The following GRID1 variants were observed in gnomAD, a reference collection of about 807,000 sequenced individuals.
GRID1 encodes the protein glutamate ionotropic receptor delta type subunit 1, also known as glutamate receptor ionotropic, delta-1.
GRID1 carries 28 observed loss-of-function variants against 98.0 expected under a neutral mutation model. The ratio of observed to expected loss-of-function variants is 0.29; its 90% CI spans 0.21 to 0.39. The LOEUF (loss-of-function observed/expected upper bound fraction) is 0.39. Ranked by LOEUF, GRID1 falls within the 10% of genes least tolerant of loss-of-function variation. GRID1 has a pLI of 1.00. For missense variants in GRID1, 1,111 were observed against 1,340.5 expected (o/e 0.83, Z 2.67); for synonymous variants, 553 against 538.5 (o/e 1.03, Z -0.37).
At chr10:86,304,960 T>C (rs954206372) in intron 2 of GRID1, among the ~76,000 whole-genome samples, 4 of 152,158 alleles carry the variant, frequency 2.6e-5, no homozygotes, top group African/African-American at 9.7e-5. Context: ...TTTTCTAGGC[T>C]ATGGGGGCCA....
intron 4 of GRID1, among the ~76,000 whole-genome samples, chr10:86,137,410 C>T (rs1844943292): frequency 6.6e-6 from 1 of 152,174 alleles, no homozygotes. Flanking sequence ...ATAGTCTTTC[C>T]ACCCCCAAGC....
intron 12 of GRID1, among the ~76,000 whole-genome samples, chr10:85,682,401 T>C (rs930416512): frequency 5.9e-5 from 9 of 152,322 alleles, no homozygotes; most frequent in African/African-American, 1.9e-4. Flanking sequence ...GACCTGGTCA[T>C]AGACCATATG....
In GRID1 at chr10:85,732,272, C is replaced by G. The variant is rs564256478; in HGVS notation, c.1234-2658G>C. On this transcript the variant is annotated intron_variant, in intron 8 of 15. Transcript: ENST00000327946. ...GGTCTTCTTGACCATCCCAATGGCT[C>G]ACAGAGTCATAACAGAAGACATCTT... 8.3e-4 allele frequency among the ~76,000 whole-genome samples: 127 copies of G among 152,296 alleles called. 1 individual carries two copies. Among genetic ancestry groups the G allele is most frequent in the African/African-American group, 3.0e-3 (125 of 41,568 alleles).
At chr10:85,683,140 T>C (rs73326691) in intron 12 of GRID1, among the ~76,000 whole-genome samples, 4,603 of 152,276 alleles carry the variant, frequency 0.03, 204 homozygotes, top group African/African-American at 0.1. Flanking sequence ...TCTCTGTCTG[T>C]CTGAAACTTA....
At chr10:86,151,465 G>C (rs1429852621) in intron 3 of GRID1, among the ~76,000 whole-genome samples, 1 of 151,934 alleles carries the variant, frequency 6.6e-6, no homozygotes, top group Non-Finnish European at 1.5e-5. Context: ...GGCCACCGCA[G>C]GCATATAGAG....
chr10:86,067,172 C>G (rs1019237412), intron 4 of GRID1, among the ~76,000 whole-genome samples: 9 of 152,192 alleles, frequency 5.9e-5, no homozygotes, highest in Admixed American at 4.6e-4. Context: ...TACACTGAGC[C>G]GTCCCAAGTA....
intron 8 of GRID1, among the ~76,000 whole-genome samples, chr10:85,772,059 C>G (rs1450347915): frequency 6.6e-6 from 1 of 152,018 alleles, no homozygotes. Context: ...CAAAATTGAC[C>G]ACATAGTTGG....
intron 8 of GRID1, among the ~76,000 whole-genome samples, chr10:85,844,420 TACACACACACAC>T (rs55706189): frequency 0.095 from 12,764 of 133,822 alleles, 672 homozygotes; most frequent in Middle Eastern, 0.18. Flanking sequence ...TACAACTAAA[TACACACACACAC>T]ACACACACAC....
intron 8 of GRID1, among the ~76,000 whole-genome samples, chr10:85,830,722 C>T (rs1378816508): frequency 6.6e-6 from 1 of 152,082 alleles, no homozygotes; most frequent in Non-Finnish European, 1.5e-5. Context: ...TGTTACATAT[C>T]ACTAATCATT....
At chr10:85,928,497 C>T (rs1841806411) in intron 4 of GRID1, among the ~76,000 whole-genome samples, 1 of 152,218 alleles carries the variant, frequency 6.6e-6, no homozygotes, top group South Asian at 2.1e-4. Flanking sequence ...CACCAAGTCA[C>T]TCCAGCTGCA....
intron 4 of GRID1, among the ~76,000 whole-genome samples, chr10:85,976,834 A>T (rs1391489291): frequency 1.3e-5 from 2 of 152,250 alleles, no homozygotes; most frequent in Non-Finnish European, 2.9e-5. Flanking sequence ...GGACAGGCTA[A>T]GACAGGAGTG....
intron 4 of GRID1, among the ~76,000 whole-genome samples, chr10:86,035,709 A>C (rs754352828): frequency 6.6e-6 from 1 of 152,244 alleles, no homozygotes; most frequent in Non-Finnish European, 1.5e-5. Context: ...ACAAAACAGC[A>C]TAGTCCAGGA....
intron 8 of GRID1, among the ~76,000 whole-genome samples, chr10:85,748,226 A>C (rs1842015271): frequency 6.6e-6 from 1 of 152,200 alleles, no homozygotes; most frequent in Non-Finnish European, 1.5e-5. Context: ...GGAATGGAGT[A>C]GAACATTCAC....
chr10:86,141,212 A>G (rs1248821711), intron 3 of GRID1, among the ~76,000 whole-genome samples: 2 of 152,170 alleles, frequency 1.3e-5, no homozygotes, highest in African/African-American at 4.8e-5. Flanking sequence ...CCAGTGCTCC[A>G]GGCCCCCAAC....
chr10:86,089,226 T>C (rs1482205345), intron 4 of GRID1, among the ~76,000 whole-genome samples: 1 of 152,198 alleles, frequency 6.6e-6, no homozygotes, highest in Non-Finnish European at 1.5e-5. Flanking sequence ...GAAGGCCATC[T>C]GGGGAGCAGT....
At chr10:86,156,016 C>T (rs1272478499) in intron 3 of GRID1, among the ~76,000 whole-genome samples, 3 of 152,188 alleles carry the variant, frequency 2.0e-5, no homozygotes, top group Non-Finnish European at 4.4e-5. Flanking sequence ...CCTAGCTGAG[C>T]ACTGTCCAGC....
chr10:86,225,149 C>T (rs1320168749), intron 2 of GRID1, among the ~76,000 whole-genome samples: 3 of 152,102 alleles, frequency 2.0e-5, no homozygotes, highest in African/African-American at 4.8e-5. Flanking sequence ...GACAGAGGGG[C>T]GGGGAGGAAG....
intron 2 of GRID1, among the ~76,000 whole-genome samples, chr10:86,306,331 G>A (rs546577712): frequency 6.6e-6 from 1 of 152,270 alleles, no homozygotes; most frequent in Non-Finnish European, 1.5e-5. Flanking sequence ...GCTTATACAG[G>A]GCTCTCTTGA....
intron 3 of GRID1, among the ~76,000 whole-genome samples, chr10:86,161,740 C>T (rs556110360): frequency 6.7e-4 from 102 of 152,254 alleles, no homozygotes; most frequent in African/African-American, 2.4e-3. Flanking sequence ...GACTTGCTGG[C>T]TGACTTGCCT....
Sources: gnomAD v4.1 joint callset for allele counts (sites outside exome capture counted in the v4.1 genomes callset) on GRCh38, gnomAD v4.1.1 for gene constraint, MANE v1.5 for transcripts, NCBI Gene and HGNC (gene_info 2026-07-23, HGNC 2026-07-21) for gene names.